KAZN: variants seen among roughly 807,000 people sequenced by gnomAD.
The protein encoded by KAZN is kazrin, periplakin interacting protein.
Under a neutral mutation model 87.4 loss-of-function variants are expected in KAZN, and 40 were observed. That is an observed-to-expected ratio of 0.46 (90% CI 0.36 to 0.60). KAZN has a LOEUF of 0.60. Among genes scored for constraint, KAZN ranks in the 20% least tolerant of loss-of-function variants. The pLI is 0.00. For synonymous variants in KAZN, 466 were observed against 458.3 expected (o/e 1.02, Z -0.22); for missense variants, 898 against 1,073.9 (o/e 0.84, Z 2.29).
At chr1:15,007,056 CAAA>C (rs35245453) in intron 2 of KAZN, among the ~76,000 whole-genome samples, 45 of 67,898 alleles carry the variant, frequency 6.6e-4, no homozygotes, top group Non-Finnish European at 1.1e-3. Flanking sequence ...GACTCCGTCT[CAAA>C]AAAAAAAAAA....
intron 1 of KAZN, among the ~76,000 whole-genome samples, chr1:14,659,890 A>G (rs1457549513): frequency 1.3e-5 from 2 of 152,146 alleles, no homozygotes; most frequent in African/African-American, 2.4e-5. Flanking sequence ...TTAAAAAAAA[A>G]AAAAGAAAGC....
intron 3 of KAZN, 111 bp downstream of exon 3, chr1:15,034,996 G>A (rs1412053852): frequency 7.3e-7 from 1 of 1,367,078 alleles, no homozygotes; most frequent in African/African-American, 1.4e-5. Flanking sequence ...ACACAGATAG[G>A]GAGGCCCTTG....
rs1676698271 is a variant in KAZN at position 14,598,805 on chromosome 1, G to A, written c.-193G>A. The A allele has an allele frequency of 1.5e-6, 2 of 1,329,690 alleles. No individual in the cohort carries two copies. Among genetic ancestry groups the A allele is most frequent in the Non-Finnish European group, 1.9e-6 (2 of 1,041,432 alleles). 82.4% of individuals were successfully genotyped at this position (1,329,690 alleles called of 1,614,324 possible). ...CCCCCCGCCGCCTCGCCACCGCCGC[G>A]GCTAGGGCTGGAGGCGCCGCTGTCA... On this transcript the variant is annotated 5_prime_UTR_variant, in exon 1 of 15. Coordinates refer to ENST00000376030, the MANE Select transcript of KAZN (RefSeq NM_201628.3). This position sits in a 1 kb window ranked among gnomAD's most constrained non-coding sequence, Gnocchi z 4.2.
intron 1 of KAZN, among the ~76,000 whole-genome samples, chr1:14,937,992 C>T (rs1195063915): frequency 6.6e-6 from 1 of 152,182 alleles, no homozygotes; most frequent in Non-Finnish European, 1.5e-5. Context: ...GGCGTTTTAG[C>T]CTTCCTTGTG....
chr1:14,735,259 A>G lies in KAZN; in HGVS notation c.226+136036A>G, dbSNP rs943294581. Among the ~76,000 whole-genome samples the G allele has an allele frequency of 4.5e-4, 68 of 152,144 alleles. No homozygotes were observed. Among genetic ancestry groups the G allele is most frequent in the Non-Finnish European group, 7.9e-4 (54 of 67,986 alleles). On this transcript the variant is annotated intron_variant, in intron 1 of 14. Transcript: ENST00000376030. This position sits in a 1 kb window ranked among gnomAD's most constrained non-coding sequence, Gnocchi z 4.3. ...GTATTTTTAGTAGAGACGGGGTTTCACCGTGTTAGCCAGGATGGTCTCGAT... is the reference window on the plus strand; with the variant it reads ...GTATTTTTAGTAGAGACGGGGTTTCGCCGTGTTAGCCAGGATGGTCTCGAT...
At chr1:14,587,766 C>T (rs1202159227) in intron 2 of KAZN, among the ~76,000 whole-genome samples, 1 of 152,248 alleles carries the variant, frequency 6.6e-6, no homozygotes, top group East Asian at 1.9e-4. Flanking sequence ...CCACCAGGCC[C>T]CACCTTCAAC....
intron 1 of KAZN, among the ~76,000 whole-genome samples, chr1:14,797,096 C>T (rs1490102478): frequency 1.3e-5 from 2 of 152,088 alleles, no homozygotes; most frequent in Non-Finnish European, 2.9e-5. Context: ...GTTTTGCTCT[C>T]GTTGCCCAGG....
intron 1 of KAZN, among the ~76,000 whole-genome samples, chr1:14,105,722 G>A (rs1263727051): frequency 6.6e-6 from 1 of 152,184 alleles, no homozygotes; most frequent in Non-Finnish European, 1.5e-5. Flanking sequence ...ATGACCTAGT[G>A]CCTCAAAGGA....
At chr1:15,111,623 T>G (rs867897199) in intron 13 of KAZN, among the ~76,000 whole-genome samples, 1 of 152,222 alleles carries the variant, frequency 6.6e-6, no homozygotes, top group South Asian at 2.1e-4. Context: ...TGGTGACTTC[T>G]GGCTCCAGGC....
At chr1:14,579,587 T>C (rs1675408508) in intron 2 of KAZN, among the ~76,000 whole-genome samples, 1 of 148,826 alleles carries the variant, frequency 6.7e-6, no homozygotes, top group Non-Finnish European at 1.5e-5. Context: ...ATCGCACCAC[T>C]GCACTGCAGC....
At chr1:14,631,837 T>C (rs1348439313) in intron 1 of KAZN, among the ~76,000 whole-genome samples, 1 of 152,216 alleles carries the variant, frequency 6.6e-6, no homozygotes, top group African/African-American at 2.4e-5. Context: ...TCTGAAGCTC[T>C]GTGTTGTTTT....
chr1:13,985,551 T>G (rs1207869559), intron 1 of KAZN, among the ~76,000 whole-genome samples: 3 of 108,186 alleles, frequency 2.8e-5, no homozygotes, highest in Admixed American at 1.3e-4. Flanking sequence ...CTCTGGGGAC[T>G]GTTGTGGGGT....
chr1:14,840,763 G>A (rs1647869545), intron 1 of KAZN, among the ~76,000 whole-genome samples: 1 of 152,126 alleles, frequency 6.6e-6, no homozygotes, highest in Admixed American at 6.5e-5. Context: ...CTATGCAGGG[G>A]GTCATATATG....
chr1:14,738,773 G>A (rs575296799), intron 1 of KAZN, among the ~76,000 whole-genome samples: 5 of 152,274 alleles, frequency 3.3e-5, no homozygotes, highest in East Asian at 1.9e-4. Flanking sequence ...CCCGTGAAGT[G>A]AGGATGACGA....
intron 1 of KAZN, among the ~76,000 whole-genome samples, chr1:14,814,311 C>CCG (rs1339569981): frequency 3.3e-5 from 5 of 152,184 alleles, no homozygotes; most frequent in African/African-American, 9.7e-5. Context: ...CCTGAAACCT[C>CCG]TGCCCCCCGG....
chr1:14,028,196 G>A (rs1641165218), intron 1 of KAZN, among the ~76,000 whole-genome samples: 1 of 30,646 alleles, frequency 3.3e-5, no homozygotes, highest in Non-Finnish European at 7.2e-5. Flanking sequence ...GGTAAAAACT[G>A]GTGTCTGGGA....
chr1:14,216,771 G>A (rs1646965094), intron 2 of KAZN, among the ~76,000 whole-genome samples: 1 of 152,088 alleles, frequency 6.6e-6, no homozygotes, highest in South Asian at 2.1e-4. Context: ...GGGAGTGGTG[G>A]TGGGAGCCTG....
intron 2 of KAZN, among the ~76,000 whole-genome samples, chr1:14,994,837 A>G (rs1211361927): frequency 6.6e-6 from 1 of 152,224 alleles, no homozygotes; most frequent in Admixed American, 6.5e-5. Flanking sequence ...GAACATGAGG[A>G]TTGACTGATG....
chr1:14,253,044 G>A (rs1219357165), intron 2 of KAZN, among the ~76,000 whole-genome samples: 1 of 145,696 alleles, frequency 6.9e-6, no homozygotes, highest in Non-Finnish European at 1.5e-5. Context: ...AAGTTTAGCA[G>A]TTTGTTGTAA....
Sources: gnomAD v4.1 joint callset for allele counts (sites outside exome capture counted in the v4.1 genomes callset) on GRCh38, gnomAD v4.1.1 for gene constraint, Gnocchi (gnomAD v3.1) non-coding constraint, MANE v1.5 for transcripts, NCBI Gene and HGNC (gene_info 2026-07-23, HGNC 2026-07-21) for gene names.